Variants in PKIA observed in about 807,000 individuals in gnomAD.
PKIA encodes cAMP-dependent protein kinase inhibitor alpha.
A neutral mutation model predicts 7.6 loss-of-function variants in PKIA; 4 were observed. The ratio of observed to expected loss-of-function variants is 0.52; its 90% CI spans 0.26 to 1.20. The LOEUF is 1.20. Ranked by LOEUF, PKIA falls within the 50% of genes most tolerant of loss-of-function variation. The pLI is 0.13. For missense variants in PKIA, 73 were observed against 86.2 expected (o/e 0.85, Z 0.61); for synonymous variants, 21 against 30.7 (o/e 0.68, Z 1.04).
chr8:78,591,970 G>A (rs1019786514), intron 2 of PKIA, among the ~76,000 whole-genome samples: 2 of 151,960 alleles, frequency 1.3e-5, no homozygotes, highest in African/African-American at 4.8e-5. Context: ...AATTTTGGGG[G>A]GTGAATATCT....
chr8:78,590,731 G>A (rs931482994), intron 2 of PKIA, among the ~76,000 whole-genome samples: 3 of 151,972 alleles, frequency 2.0e-5, no homozygotes, highest in Non-Finnish European at 2.9e-5. Context: ...AGTATTTGAG[G>A]TGAATTAATA....
chr8:78,563,627 C>T (rs7824063), intron 1 of PKIA, among the ~76,000 whole-genome samples: 25,355 of 151,722 alleles, frequency 0.17, 2,968 homozygotes, highest in African/African-American at 0.34. Context: ...TGGAGATCAC[C>T]GGTGTCCTTC....
intron 2 of PKIA, among the ~76,000 whole-genome samples, chr8:78,584,924 T>C (rs1807912611): frequency 6.6e-6 from 1 of 152,050 alleles, no homozygotes; most frequent in Non-Finnish European, 1.5e-5. Context: ...AAATAGTTTC[T>C]TGAATATTCC....
At chr8:78,584,771 G>A (rs1194631123) in intron 2 of PKIA, among the ~76,000 whole-genome samples, 2 of 152,064 alleles carry the variant, frequency 1.3e-5, no homozygotes, top group Non-Finnish European at 2.9e-5. Context: ...AAAATTTAGA[G>A]TGCAAACTAG....
rs1478140169 is a variant in PKIA, at chr8:78,597,748, T to C, written c.-27-610T>C. Among the ~76,000 whole-genome samples, 7 of 152,306 alleles carry C rather than the reference T, an allele frequency of 4.6e-5. No homozygotes were observed. In the East Asian group the frequency reaches 1.4e-3, roughly 29 times the overall value. The stretch of plus-strand genomic sequence containing the variant: ...TAGTAAAGTTTGTTTATTACATTTG[T>C]TTTACGTATTGGCTATGGCTGCTTT... On this transcript the variant is annotated intron_variant, in intron 2 of 3. Transcript: ENST00000396418.
At chr8:78,540,600 C>A (rs1272827281) in intron 1 of PKIA, among the ~76,000 whole-genome samples, 1 of 152,070 alleles carries the variant, frequency 6.6e-6, no homozygotes, top group East Asian at 1.9e-4. Context: ...CCAGTTGCAA[C>A]TCCTGCTCTT....
chr8:78,547,107 T>G (rs1032007754), intron 1 of PKIA, among the ~76,000 whole-genome samples: 4 of 151,846 alleles, frequency 2.6e-5, no homozygotes, highest in East Asian at 1.9e-4. Context: ...TTTTGTTTTT[T>G]TTTGTTTGTT....
chr8:78,590,283 T>TAAAAAAAAAAAAAAAAAAA (rs71304770), intron 2 of PKIA, among the ~76,000 whole-genome samples: 1 of 136,962 alleles, frequency 7.3e-6, no homozygotes, highest in African/African-American at 2.7e-5. Context: ...GTCTGATAGT[T>TAAAAAAAAAAAAAAAAAAA]AAAAAAAAAA....
chr8:78,521,177 A>G (rs572227016), intron 1 of PKIA, among the ~76,000 whole-genome samples: 1 of 152,272 alleles, frequency 6.6e-6, no homozygotes, highest in East Asian at 1.9e-4. Flanking sequence ...GTGGGAAAAC[A>G]TTGCCAGCAG....
chr8:78,569,569 T>C (rs930114371), intron 1 of PKIA, among the ~76,000 whole-genome samples: 5 of 152,100 alleles, frequency 3.3e-5, no homozygotes, highest in Non-Finnish European at 1.5e-5. Flanking sequence ...CAGAGTCATA[T>C]ACTACTCATA....
chr8:78,526,474 GC>G (rs1212074415), intron 1 of PKIA, among the ~76,000 whole-genome samples: 1 of 152,024 alleles, frequency 6.6e-6, no homozygotes, highest in African/African-American at 2.4e-5. Context: ...TATTTCAGAA[GC>G]AAAGTGCCAT....
intron 1 of PKIA, among the ~76,000 whole-genome samples, chr8:78,543,358 T>G (rs546293221): frequency 9.2e-5 from 14 of 152,308 alleles, no homozygotes; most frequent in South Asian, 2.1e-4. Flanking sequence ...GTATGTGGTC[T>G]GTATAAATGC....
chr8:78,556,068 T>A (rs1807126441), intron 1 of PKIA, among the ~76,000 whole-genome samples: 1 of 152,132 alleles, frequency 6.6e-6, no homozygotes, highest in Non-Finnish European at 1.5e-5. Flanking sequence ...TTTCCTTTTA[T>A]GTTTAGCAGT....
At chr8:78,598,310 G>A in intron 2 of PKIA, 48 bp from the exon 3 acceptor site, 2 of 1,168,000 alleles carry the variant, frequency 1.7e-6, no homozygotes, top group East Asian at 2.4e-5. Flanking sequence ...TAAATGTTTA[G>A]CATTGACTAC....
intron 1 of PKIA, among the ~76,000 whole-genome samples, chr8:78,539,069 G>A (rs761023210): frequency 2.6e-5 from 4 of 152,046 alleles, no homozygotes; most frequent in Non-Finnish European, 5.9e-5. Context: ...TATATTGGCA[G>A]GCCTGGAAAT....
At chr8:78,552,642 A>G (rs958884560) in intron 1 of PKIA, among the ~76,000 whole-genome samples, 12 of 152,060 alleles carry the variant, frequency 7.9e-5, no homozygotes, top group Admixed American at 4.6e-4. Flanking sequence ...ATGGTGAAAC[A>G]TAATTGAGCC....
intron 1 of PKIA, among the ~76,000 whole-genome samples, chr8:78,541,807 C>CT (rs780479329): frequency 0.025 from 3,351 of 134,214 alleles, 111 homozygotes; most frequent in African/African-American, 0.08. Flanking sequence ...TTGGATTTCT[C>CT]TTTTTTTTTT....
At chr8:78,542,479 A>G (rs1490620158) in intron 1 of PKIA, among the ~76,000 whole-genome samples, 1 of 152,170 alleles carries the variant, frequency 6.6e-6, no homozygotes, top group Non-Finnish European at 1.5e-5. Flanking sequence ...AGCTTATGTG[A>G]GGTGATCAGA....
intron 2 of PKIA, among the ~76,000 whole-genome samples, chr8:78,590,265 T>C (rs1241353072): frequency 2.0e-5 from 3 of 149,390 alleles, no homozygotes; most frequent in African/African-American, 7.4e-5. Context: ...ATTTTCCAGA[T>C]GACCAATGTC....
Sources: gnomAD v4.1 joint callset for allele counts (sites outside exome capture counted in the v4.1 genomes callset) on GRCh38, gnomAD v4.1.1 for gene constraint, MANE v1.5 for transcripts, NCBI Gene and HGNC (gene_info 2026-07-23, HGNC 2026-07-21) for gene names.